PLCB3: variants seen among roughly 807,000 people sequenced by gnomAD.
PLCB3 encodes the protein phospholipase C beta 3.
In PLCB3, 54 loss-of-function variants were observed where a neutral mutation model predicts 152.1. The observed-to-expected ratio is 0.36, with a 90% CI of 0.29 to 0.45. The LOEUF (loss-of-function observed/expected upper bound fraction) is 0.45. PLCB3 is among the 20% of genes least tolerant of loss of function. PLCB3 has a pLI of 1.00. For missense variants in PLCB3, 1,248 were observed against 1,687.5 expected, an observed-to-expected ratio of 0.74 and a Z score of 4.56; for synonymous variants, 717 against 698.7, an observed-to-expected ratio of 1.03 and a Z score of -0.41.
At chr11:64,263,850 C>T in intron 21 of PLCB3, 55 bp downstream of exon 21, 2 of 1,459,306 alleles carry the variant, frequency 1.4e-6, no homozygotes, top group East Asian at 4.5e-5. Flanking sequence ...GGACAAGGGC[C>T]ACCCCCAGGG....
At chr11:64,263,963 G>A (rs547505311) in intron 21 of PLCB3, 58 bp from the exon 22 acceptor site, 55 of 1,349,084 alleles carry the variant, frequency 4.1e-5, no homozygotes, top group Non-Finnish European at 5.5e-5. Flanking sequence ...CAGAGGTGGC[G>A]GGTGGGGGTG....
Position 64,261,411 on chromosome 11 carries a change from C to A in PLCB3, c.1743C>A (p.Ser581Arg). 6.2e-7 allele frequency: 1 copy of A among 1,613,612 alleles called. No homozygotes were observed. Among genetic ancestry groups the A allele is most frequent in the Non-Finnish European group, 8.5e-7 (1 of 1,179,604 alleles). Reference sequence around the variant, plus strand: ...GTTGGGGCCCACAGGGCACAGCCAGCAGCGAGGTGAATGCCACTGAGGAGA... The same window carrying A: ...GTTGGGGCCCACAGGGCACAGCCAGAAGCGAGGTGAATGCCACTGAGGAGA... ...KKPTTDEGTA[S>R]SEVNATEEMS... is the part of the protein sequence containing the mutation. Residue 581 changes from serine to arginine, a missense_variant, in exon 15 of 31, where the codon AGC becomes AGA. Physicochemically the swap from Ser to Arg is moderately radical, Grantham distance 110. This residue lies in a region of PLCB3 where 244 missense variants were observed against 424.4 expected (regional missense o/e 0.57). Coordinates refer to ENST00000279230, the MANE Select transcript of PLCB3 (RefSeq NM_000932.5).
intron 1 of PLCB3, among the ~76,000 whole-genome samples, chr11:64,253,498 C>A (rs2031346716): frequency 6.6e-6 from 1 of 152,196 alleles, no homozygotes; most frequent in African/African-American, 2.4e-5. Context: ...GTCCACCAGA[C>A]ACTGAGATGC....
At position 64,267,574 on chromosome 11, in the gene PLCB3, G is replaced by C. The variant is rs1247196156; in HGVS notation, c.*18G>C. On this transcript the variant is annotated 3_prime_UTR_variant, in exon 31 of 31. Coordinates refer to ENST00000279230, the MANE Select transcript of PLCB3 (RefSeq NM_000932.5). The surrounding 1 kb of genome is among the most constrained non-coding windows in gnomAD (Gnocchi z 5.2). ...AGCTCTGAACTGGCTGAGCGAGGTG[G>C]CCACAGGGCCAGGGCGGGCGCTGGG... The C allele has an allele frequency of 6.5e-7, 1 of 1,547,806 alleles. No homozygotes were observed. Among genetic ancestry groups the C allele is most frequent in the South Asian group, 1.2e-5 (1 of 84,936 alleles).
chr11:64,260,111 G>A lies in PLCB3; in HGVS notation c.1608G>A (p.Lys536=), dbSNP rs931621734. 10 of 1,612,442 alleles carry A rather than the reference G, an allele frequency of 6.2e-6. No individual in the cohort carries two copies. The highest frequency in any genetic ancestry group is 7.6e-6 in the Non-Finnish European group (9 of 1,179,460). ...GLEKPSLEPQ[K]SLGDEGLNRG... ...AGAAGCCCAGCCTGGAGCCTCAGAA[G>A]TCTCTGGGTGACGAGGGCCTGAACC... The change falls in exon 14 of 31, where the codon AAG becomes AAA. Residue 536 remains lysine, a synonymous_variant. Transcript: ENST00000279230.
intron 1 of PLCB3, 25 bp from the exon 2 acceptor site, chr11:64,254,390 C>T (rs2031401929): frequency 6.2e-7 from 1 of 1,600,054 alleles, no homozygotes; most frequent in Non-Finnish European, 8.6e-7. Flanking sequence ...ACTTCCTGAC[C>T]CCTGCTGCCC....
intron 1 of PLCB3, among the ~76,000 whole-genome samples, chr11:64,252,318 C>T (rs1038819541): frequency 6.6e-6 from 1 of 152,098 alleles, no homozygotes; most frequent in Non-Finnish European, 1.5e-5. Flanking sequence ...CTAGTGGAGA[C>T]TTTGCCCCCC....
In PLCB3 at chr11:64,266,218, T is replaced by C. The variant is rs766859099; in HGVS notation, c.3266+16T>C. ...TGAACGAGAGGTGAAAGCCGAGGAT[T>C]GTCTATGGGAAGGGCTGGGGACTTC... On this transcript the variant is annotated intron_variant, in intron 27 of 30. Coordinates refer to ENST00000279230, the MANE Select transcript of PLCB3 (RefSeq NM_000932.5). The surrounding 1 kb of genome is among the most constrained non-coding windows in gnomAD (Gnocchi z 4.9). The C allele has an allele frequency of 2.2e-5, 36 of 1,613,954 alleles. No homozygotes were observed. Among genetic ancestry groups the C allele is most frequent in the South Asian group, 1.6e-4 (15 of 91,078 alleles).
At chr11:64,260,000 C>A in intron 13 of PLCB3, 29 bp from the exon 14 acceptor site, 2 of 1,592,264 alleles carry the variant, frequency 1.3e-6, no homozygotes, top group South Asian at 1.1e-5. Context: ...TGGTCCTGAC[C>A]CCTCACCCTG....
In PLCB3 at chr11:64,265,470, T is replaced by G. The variant is rs1181013021; in HGVS notation, c.3003T>G (p.Ala1001=). 1.9e-6 allele frequency: 3 copies of G among 1,606,470 alleles called. No homozygotes were observed. In the African/African-American group the frequency reaches 4.0e-5, roughly 21 times the overall value. ...RLLDGLAQAQ[A]EGRCRLRPGA... Reference sequence around the variant, plus strand: ...TGGATGGCCTGGCTCAGGCACAGGCTGAGGGCAGGTGCCGGCTGCGGCCAG... The same window carrying G: ...TGGATGGCCTGGCTCAGGCACAGGCGGAGGGCAGGTGCCGGCTGCGGCCAG... The change falls in exon 25 of 31, where the codon GCT becomes GCG. Residue 1001 remains alanine (A), a synonymous_variant. Transcript: ENST00000279230.
Position 64,266,624 on chromosome 11 carries a change from G to T in PLCB3, c.3414+72G>T. On this transcript the variant is annotated intron_variant, in intron 29 of 30. Transcript: ENST00000279230. The surrounding 1 kb of genome is among the most constrained non-coding windows in gnomAD (Gnocchi z 4.9). ...TCATCAGACACCCATCTCCATGCCT[G>T]GCCTGGTGCCACGTTGCCCTCAAGG... The T allele has an allele frequency of 4.1e-6, 6 of 1,454,582 alleles. No individual in the cohort carries two copies. Among genetic ancestry groups the T allele is most frequent in the Non-Finnish European group, 2.9e-6 (3 of 1,035,996 alleles). The allele number at this position is 1,454,582 out of a possible 1,614,324, so 90.1% of individuals were successfully genotyped here.
Position 64,262,671 on chromosome 11 carries a change from G to T in PLCB3, c.2218G>T (p.Asp740Tyr), listed in dbSNP as rs774167540. ...VKVISGQFLS[D>Y]RKVGIYVEVD... ...GGTGATCTCAGGGCAGTTCCTGTCC[G>T]ACAGGAAGGTGGGCATCTACGTGGA... The change falls in exon 19 of 31, where the codon GAC (aspartate) becomes TAC (tyrosine). Residue 740 changes from aspartate to tyrosine, a missense_variant. Physicochemically the swap from Asp to Tyr is radical, Grantham distance 160. This residue lies in a region of PLCB3 where 244 missense variants were observed against 424.4 expected (regional missense o/e 0.57). Transcript: ENST00000279230. The T allele has an allele frequency of 2.5e-6, 4 of 1,613,888 alleles. No homozygotes were observed. The highest frequency in any genetic ancestry group is 1.7e-5 in the Admixed American group (1 of 60,002).
chr11:64,262,865 G>A (rs1453171133), intron 19 of PLCB3, 57 bp downstream of exon 19: 19 of 1,552,330 alleles, frequency 1.2e-5, no homozygotes, highest in South Asian at 3.4e-5. Flanking sequence ...AGACCGCCCC[G>A]ACTCTCAGGT....
At chr11:64,265,654 G>A (rs919547694) in intron 25 of PLCB3, 152 bp downstream of exon 25, 22 of 1,317,904 alleles carry the variant, frequency 1.7e-5, no homozygotes, top group Admixed American at 2.7e-5. Context: ...CACACCAGGC[G>A]TCCCTGTGTC....
At position 64,259,262 on chromosome 11, in the gene PLCB3, C is replaced by A. The variant is rs752154504; in HGVS notation, c.1525+18C>A. On this transcript the variant is annotated intron_variant, in intron 13 of 30. Transcript: ENST00000279230. ...GCAGCTGGGTAGGCCCCAGCCCGGCCCGCCACCCTGACTTGACCCTAGCCT... is the reference window on the plus strand; with the variant it reads ...GCAGCTGGGTAGGCCCCAGCCCGGCACGCCACCCTGACTTGACCCTAGCCT... 6.0e-6 allele frequency: 9 copies of A among 1,490,548 alleles called. No individual in the cohort carries two copies. The highest frequency in any genetic ancestry group is 7.2e-6 in the Non-Finnish European group (8 of 1,118,744). 92.3% of individuals were successfully genotyped at this position (1,490,548 alleles called of 1,614,324 possible). A position where few individuals can be genotyped will look rare whatever the true frequency, so the allele number is the denominator to read the frequency against.
chr11:64,260,538 G>A (rs1041438925), intron 14 of PLCB3, among the ~76,000 whole-genome samples: 1 of 152,018 alleles, frequency 6.6e-6, no homozygotes, highest in African/African-American at 2.4e-5. Context: ...AAAGGTCCTG[G>A]GGCAGGGCCA....
Position 64,266,447 on chromosome 11 carries a change from C to T in PLCB3, c.3356+43C>T. On this transcript the variant is annotated intron_variant, in intron 28 of 30. Coordinates refer to ENST00000279230, the MANE Select transcript of PLCB3 (RefSeq NM_000932.5). The surrounding 1 kb of genome is among the most constrained non-coding windows in gnomAD (Gnocchi z 4.9). The stretch of plus-strand genomic sequence containing the variant: ...GGGGGCCATCTGGGTACTGGGGAGG[C>T]AGGGCAGGTGTCTGGGCCCCGAGCC... The T allele has an allele frequency of 6.2e-7, 1 of 1,601,416 alleles. No homozygotes were observed. The highest frequency in any genetic ancestry group is 8.6e-7 in the Non-Finnish European group (1 of 1,168,638).
intron 16 of PLCB3, 98 bp downstream of exon 16, chr11:64,261,763 C>T: frequency 1.4e-6 from 2 of 1,416,466 alleles, no homozygotes; most frequent in Non-Finnish European, 2.0e-6. Context: ...GCACAGGGTG[C>T]TGGCCCTCCG....
intron 14 of PLCB3, 140 bp from the exon 15 acceptor site, chr11:64,261,260 C>G: frequency 1.4e-6 from 1 of 695,142 alleles, no homozygotes; most frequent in East Asian, 2.7e-5. Context: ...AGTGAGACCC[C>G]GGGGAGAAGA....
Sources: allele counts gnomAD v4.1 joint callset (sites outside exome capture counted in the v4.1 genomes callset), GRCh38; gene constraint gnomAD v4.1.1; regional missense constraint gnomAD v4.1.1; non-coding constraint Gnocchi (gnomAD v3.1); transcripts MANE v1.5; gene names NCBI Gene and HGNC (gene_info 2026-07-23, HGNC 2026-07-21).